ADAMTS7: variants seen among roughly 807,000 people sequenced by gnomAD.
The protein encoded by ADAMTS7 is A disintegrin and metalloproteinase with thrombospondin motifs 7.
Under a neutral mutation model 172.6 loss-of-function variants are expected in ADAMTS7, and 89 were observed. The ratio of observed to expected loss-of-function variants is 0.52; its 90% CI spans 0.43 to 0.61. The LOEUF (loss-of-function observed/expected upper bound fraction) is 0.61, where lower values mean the gene tolerates loss of function less well. Among genes scored for constraint, ADAMTS7 ranks in the 20% least tolerant of loss-of-function variants. The pLI, the probability that ADAMTS7 is intolerant of heterozygous loss-of-function variation, is 0.00. For missense variants in ADAMTS7, 1,973 were observed against 2,355.6 expected (o/e 0.84, Z 3.36); for synonymous variants, 885 against 978.4 (o/e 0.90, Z 1.78).
chr15:78,792,317 C>T (rs2055591480), intron 4 of ADAMTS7, among the ~76,000 whole-genome samples: 1 of 152,212 alleles, frequency 6.6e-6, no homozygotes, highest in Non-Finnish European at 1.5e-5. Context: ...CTCTTCTCTC[C>T]ATCTCCAACA....
chr15:78,770,195 A>AAAATG (rs1054853626), intron 16 of ADAMTS7, among the ~76,000 whole-genome samples: 2 of 151,592 alleles, frequency 1.3e-5, no homozygotes, highest in Non-Finnish European at 2.9e-5. Flanking sequence ...TAAATAAAAT[A>AAAATG]AAATAAAATA....
intron 1 of ADAMTS7, among the ~76,000 whole-genome samples, chr15:78,806,071 C>T (rs1204653245): frequency 8.8e-5 from 6 of 68,312 alleles, no homozygotes; most frequent in African/African-American, 3.0e-4. Context: ...CAGAGCGAGA[C>T]TCTGACTCCC....
intron 20 of ADAMTS7, 121 bp downstream of exon 20, chr15:78,764,434 G>T (rs1394532000): frequency 7.8e-7 from 1 of 1,287,856 alleles, no homozygotes; most frequent in Non-Finnish European, 1.0e-6. Context: ...GTGTGATCGG[G>T]CACACAGATG....
In ADAMTS7 at chr15:78,766,625, G is replaced by A. The variant is rs147739185; in HGVS notation, c.3286C>T (p.Pro1096Ser). ...LDLAGTGDRT[P>S]PPHSHPAAPS... ...GCAGCAGGATGGCTGTGTGGTGGGG[G>A]TGTCCGGTCCCCTGTCCCCGCCAGG... is the stretch of plus-strand genomic sequence containing the variant. The change falls in exon 19 of 24, where the codon CCC (proline) becomes TCC (serine). Residue 1096 changes from proline (P) to serine (S), a missense_variant. Around this residue, in one of 8 missense-constraint regions of ADAMTS7, gnomAD observed 771 missense variants for 952.6 expected, o/e 0.81. Transcript: ENST00000388820. 5 of 1,608,268 alleles carry A rather than the reference G, an allele frequency of 3.1e-6. No individual in the cohort carries two copies. The highest frequency in any genetic ancestry group is 4.2e-6 in the Non-Finnish European group (5 of 1,178,664).
At position 78,766,521 on chromosome 15, in the gene ADAMTS7, C is replaced by G; in HGVS notation, c.3390G>C (p.Pro1130=). ...KEEGVLGPWS[P]SPWPSQAGRS... ...GGCCGGCCTGGCTAGGCCAAGGGCT[C>G]GGGGACCAAGGTCCCAGTACCCCCT... Residue 1130 remains proline, a synonymous_variant, in exon 19 of 24, where the codon CCG becomes CCC. Coordinates refer to ENST00000388820, the MANE Select transcript of ADAMTS7 (RefSeq NM_014272.5). 3 of 1,585,746 alleles carry G rather than the reference C, an allele frequency of 1.9e-6. No homozygotes were observed. In the East Asian group the frequency reaches 6.7e-5, roughly 36 times the overall value.
At chr15:78,799,697 T>A (rs1365788105) in intron 2 of ADAMTS7, among the ~76,000 whole-genome samples, 1 of 152,148 alleles carries the variant, frequency 6.6e-6, no homozygotes, top group Non-Finnish European at 1.5e-5. Flanking sequence ...TGGACCTGCA[T>A]CTTCAATATT....
intron 22 of ADAMTS7, among the ~76,000 whole-genome samples, chr15:78,763,007 G>C (rs1028984729): frequency 6.6e-6 from 1 of 152,218 alleles, no homozygotes; most frequent in Non-Finnish European, 1.5e-5. Context: ...CCGGGGCCCA[G>C]CCCGCCAGGC....
At chr15:78,773,350 T>C (rs1383559762) in intron 13 of ADAMTS7, 147 bp from the exon 14 acceptor site, 3 of 625,058 alleles carry the variant, frequency 4.8e-6, no homozygotes, top group Non-Finnish European at 5.6e-6. Flanking sequence ...CAGCTGTGCC[T>C]CTGACCCAGG....
At position 78,766,195 on chromosome 15, in the gene ADAMTS7, G is replaced by A. The variant is rs377367890; in HGVS notation, c.3716C>T (p.Thr1239Met). Residue 1239 changes from threonine (T) to methionine (M), a missense_variant, in exon 19 of 24, where the codon ACG (threonine) becomes ATG (methionine). Coordinates refer to ENST00000388820, the MANE Select transcript of ADAMTS7 (RefSeq NM_014272.5). ...GCCAACAGGGGACAAAGGGGGCAGC[G>A]TGGAGCTGGGTCTCGGGGGCAGGTG... is the stretch of plus-strand genomic sequence containing the variant. ...APHLPPRPSS[T>M]LPPLSPVGST... The A allele has an allele frequency of 3.4e-5, 55 of 1,611,800 alleles. No individual in the cohort carries two copies. The East Asian group carries it at 3.8e-4, about 11-fold the overall frequency.
In ADAMTS7 at chr15:78,762,412, C is replaced by T. The variant is rs745905312; in HGVS notation, c.4894G>A (p.Glu1632Lys). The change falls in exon 23 of 24, where the codon GAG (glutamate) becomes AAG (lysine). Residue 1632 changes from glutamate to lysine, a missense_variant. Physicochemically the swap from Glu to Lys is moderately conservative, Grantham distance 56. This residue lies in a region of ADAMTS7 where 94 missense variants were observed against 95.4 expected (regional missense o/e 0.99). Coordinates refer to ENST00000388820, the MANE Select transcript of ADAMTS7 (RefSeq NM_014272.5). The stretch of plus-strand genomic sequence containing the variant: ...GGGTCAGGGGACTCACGGGGAGGCT[C>T]GACGGGCTCACAATCCTCGGTGCCA... ...PCGTEDCEPV[E>K]PPRCERDRLS... The T allele has an allele frequency of 8.1e-6, 12 of 1,481,330 alleles. No homozygotes were observed. In the South Asian group the frequency reaches 1.4e-4, roughly 17 times the overall value. 91.8% of individuals were successfully genotyped at this position (1,481,330 alleles called of 1,614,324 possible).
intron 8 of ADAMTS7, among the ~76,000 whole-genome samples, chr15:78,783,445 ATT>A (rs71148563): frequency 1.1e-4 from 16 of 145,944 alleles, no homozygotes; most frequent in Non-Finnish European, 1.8e-4. Flanking sequence ...AATTTTTTGT[ATT>A]TTTTTTTTTT....
rs117784554 is a variant in ADAMTS7 at position 78,792,893 on chromosome 15, C to T, written c.820-1670G>A. Among the ~76,000 whole-genome samples the T allele has an allele frequency of 3.3e-5, 5 of 152,258 alleles. No homozygotes were observed. The East Asian group carries it at 9.6e-4, about 29-fold the overall frequency. On this transcript the variant is annotated intron_variant, in intron 4 of 23. Coordinates refer to ENST00000388820, the MANE Select transcript of ADAMTS7 (RefSeq NM_014272.5). ...ATGGGGTAAAAAGGGACCTGTCTTGCTATCCTTGGGACAGACCCACCCAAG... is the reference window on the plus strand; with the variant it reads ...ATGGGGTAAAAAGGGACCTGTCTTGTTATCCTTGGGACAGACCCACCCAAG...
intron 6 of ADAMTS7, 57 bp from the exon 7 acceptor site, chr15:78,789,895 G>T: frequency 6.5e-7 from 1 of 1,532,550 alleles, no homozygotes; most frequent in Non-Finnish European, 8.8e-7. Flanking sequence ...AGGCCCACCT[G>T]AGCTAAGGCC....
At chr15:78,782,693 C>T (rs1976008) in intron 8 of ADAMTS7, among the ~76,000 whole-genome samples, 16,424 of 147,534 alleles carry the variant, frequency 0.11, 1,037 homozygotes, top group African/African-American at 0.33. Context: ...TGAGAGCCAA[C>T]TGCCTGCAGG....
intron 7 of ADAMTS7, 79 bp from the exon 8 acceptor site, chr15:78,788,453 G>C: frequency 1.3e-6 from 2 of 1,559,620 alleles, no homozygotes; most frequent in East Asian, 2.2e-5. Context: ...CACCCACAAG[G>C]TGCGCAGTCC....
chr15:78,763,926 C>A lies in ADAMTS7; in HGVS notation c.4593G>T (p.Glu1531Asp), dbSNP rs1483562460. The A allele has an allele frequency of 6.5e-7, 1 of 1,549,404 alleles. No homozygotes were observed. Among genetic ancestry groups the A allele is most frequent in the East Asian group, 2.3e-5 (1 of 43,044 alleles). ...CCCCAACTCAACGGCCAGGCCTCACCTCCCTCCAGGAAGATGTGTACCAGC... is the reference window on the plus strand; with the variant it reads ...CCCCAACTCAACGGCCAGGCCTCACATCCCTCCAGGAAGATGTGTACCAGC... ...CLSWYTSSWR[E>D]CSEACGGGEQ... is the part of the protein sequence containing the mutation. Residue 1531 changes from glutamate to aspartate, a missense_variant and splice_region_variant, in exon 21 of 24, where the codon GAG becomes GAT. Coordinates refer to ENST00000388820, the MANE Select transcript of ADAMTS7 (RefSeq NM_014272.5).
intron 4 of ADAMTS7, 49 bp downstream of exon 4, chr15:78,796,541 A>C (rs1359609905): frequency 8.0e-4 from 944 of 1,187,258 alleles, no homozygotes; most frequent in Non-Finnish European, 8.2e-4. Flanking sequence ...TTTGCACCCC[A>C]CCCCCCAACA....
At chr15:78,777,768 T>C (rs2055372789) in intron 8 of ADAMTS7, among the ~76,000 whole-genome samples, 180 bp from the exon 9 acceptor site, 1 of 152,156 alleles carries the variant, frequency 6.6e-6, no homozygotes, top group South Asian at 2.1e-4. Context: ...GCACAGGCCC[T>C]CCCGGCCTCT....
chr15:78,771,521 G>A lies in ADAMTS7; in HGVS notation c.2376+64C>T, dbSNP rs2055248802. The A allele has an allele frequency of 1.3e-6, 2 of 1,548,978 alleles. No homozygotes were observed. The highest frequency in any genetic ancestry group is 4.8e-5 in the East Asian group (2 of 41,602). On this transcript the variant is annotated intron_variant, in intron 15 of 23. Coordinates refer to ENST00000388820, the MANE Select transcript of ADAMTS7 (RefSeq NM_014272.5). This position sits in a 1 kb window ranked among gnomAD's most constrained non-coding sequence, Gnocchi z 4.9. ...ACTCCTCCAGGACGAGACCTGCCAT[G>A]GAGGGTGCTGGGCCTGGGGACTCCG... is the stretch of plus-strand genomic sequence containing the variant.
Sources: gnomAD v4.1 joint callset for allele counts (sites outside exome capture counted in the v4.1 genomes callset) on GRCh38, gnomAD v4.1.1 for gene constraint, gnomAD v4.1.1 regional missense constraint, Gnocchi (gnomAD v3.1) non-coding constraint, MANE v1.5 for transcripts, NCBI Gene and HGNC (gene_info 2026-07-23, HGNC 2026-07-21) for gene names.